PCDH15: variants seen among roughly 807,000 people sequenced by gnomAD.
The protein encoded by PCDH15 is protocadherin related 15.
A neutral mutation model predicts 178.5 loss-of-function variants in PCDH15; 129 were observed. The ratio of observed to expected loss-of-function variants is 0.72; its 90% confidence interval spans 0.63 to 0.84. PCDH15 has a LOEUF of 0.84. PCDH15 is among the 40% of genes least tolerant of loss of function. The pLI is 0.00. For missense variants in PCDH15, 2,230 were observed against 2,099.9 expected, an observed-to-expected ratio of 1.06 and a Z score of -1.21; for synonymous variants, 800 against 732.0, an observed-to-expected ratio of 1.09 and a Z score of -1.50.
chr10:54,198,495 CTTTTTTTTT>C (rs1186240206), intron 10 of PCDH15, among the ~76,000 whole-genome samples: 2 of 31,172 alleles, frequency 6.4e-5, no homozygotes, highest in Non-Finnish European at 8.8e-5. Context: ...TCTAATTATT[CTTTTTTTTT>C]TTTTTTTTTT....
At chr10:54,010,168 C>T (rs566147318) in intron 20 of PCDH15, among the ~76,000 whole-genome samples, 3 of 152,006 alleles carry the variant, frequency 2.0e-5, no homozygotes, top group Non-Finnish European at 4.4e-5. Flanking sequence ...GCAACCCTCC[C>T]TGTTTTTGCT....
At chr10:55,603,082 G>A (rs1436355487) in intron 2 of PCDH15, among the ~76,000 whole-genome samples, 8 of 152,096 alleles carry the variant, frequency 5.3e-5, no homozygotes, top group African/African-American at 1.2e-4. Context: ...CGAGAACTAC[G>A]TGAAGAATGC....
intron 2 of PCDH15, among the ~76,000 whole-genome samples, chr10:55,081,923 A>C (rs1464440221): frequency 6.6e-6 from 1 of 152,126 alleles, no homozygotes; most frequent in Non-Finnish European, 1.5e-5. Context: ...CAGACATATA[A>C]AGCAAAAATT....
chr10:54,767,318 A>G (rs894300526), intron 1 of PCDH15, among the ~76,000 whole-genome samples: 3 of 152,206 alleles, frequency 2.0e-5, no homozygotes, highest in African/African-American at 7.2e-5. Context: ...CCTATTAGTC[A>G]TCAAGAATGA....
At chr10:54,826,187 T>C (rs1953129622) in intron 3 of PCDH15, among the ~76,000 whole-genome samples, 1 of 151,984 alleles carries the variant, frequency 6.6e-6, no homozygotes, top group South Asian at 2.1e-4. Context: ...AGGAACTTGG[T>C]AAAAAGCCTA....
Position 54,998,228 on chromosome 10 carries a change from T to C in PCDH15, c.-79-100728A>G, listed in dbSNP as rs143490645. 1.1e-3 allele frequency among the ~76,000 whole-genome samples: 174 copies of C among 152,188 alleles called. 2 individuals carry two copies. The highest frequency in any genetic ancestry group is 3.9e-3 in the African/African-American group (164 of 41,560). Reference sequence around the variant, plus strand: ...GGTTACTTTTAAAAAATATATAGAATAAAACAGAAATTCCAAGTATGTCAT... The same window carrying C: ...GGTTACTTTTAAAAAATATATAGAACAAAACAGAAATTCCAAGTATGTCAT... On this transcript the variant is annotated intron_variant, in intron 2 of 5. Coordinates refer to the PCDH15 transcript ENST00000458638.
intron 9 of PCDH15, among the ~76,000 whole-genome samples, chr10:54,231,488 G>A (rs2134313821): frequency 6.6e-6 from 1 of 152,378 alleles, no homozygotes; most frequent in South Asian, 2.1e-4. Flanking sequence ...GAAGGGAAAT[G>A]TGAGGTGGGA....
At chr10:53,946,523 A>G (rs1056613861) in intron 23 of PCDH15, among the ~76,000 whole-genome samples, 2 of 152,140 alleles carry the variant, frequency 1.3e-5, no homozygotes, top group Non-Finnish European at 2.9e-5. Context: ...CCTTATCAAT[A>G]TGTGCTTAAG....
intron 2 of PCDH15, among the ~76,000 whole-genome samples, chr10:55,543,337 C>T (rs1400157563): frequency 6.7e-6 from 1 of 148,970 alleles, no homozygotes; most frequent in African/African-American, 2.5e-5. Flanking sequence ...CTTTTTCTAC[C>T]TTAGAATTTT....
chr10:54,290,224 G>C (rs924485184), intron 8 of PCDH15, among the ~76,000 whole-genome samples: 1 of 152,200 alleles, frequency 6.6e-6, no homozygotes, highest in African/African-American at 2.4e-5. Context: ...AGCCAGAACA[G>C]ATTGGGGGCC....
At chr10:54,116,931 C>A (rs910052935) in intron 15 of PCDH15, among the ~76,000 whole-genome samples, 1 of 152,014 alleles carries the variant, frequency 6.6e-6, no homozygotes, top group Non-Finnish European at 1.5e-5. Flanking sequence ...ATCTAGCATG[C>A]AAGTGAAAGA....
In PCDH15 at chr10:54,228,924, C is replaced by A. The variant is rs149865343; in HGVS notation, c.985+7899G>T. 1.8e-4 allele frequency among the ~76,000 whole-genome samples: 28 copies of A among 152,304 alleles called. No individual in the cohort carries two copies. In the East Asian group the frequency reaches 5.2e-3, roughly 28 times the overall value. The stretch of plus-strand genomic sequence containing the variant: ...GTCAAATAAAATTAAGCATCACAAG[C>A]AGCCTTCTCTCTTGTCTGTTTGCTT... On this transcript the variant is annotated intron_variant, in intron 9 of 37. Coordinates refer to ENST00000644397, the MANE Select transcript of PCDH15 (RefSeq NM_001384140.1).
At chr10:54,296,883 A>T (rs2059829851) in intron 8 of PCDH15, among the ~76,000 whole-genome samples, 1 of 152,154 alleles carries the variant, frequency 6.6e-6, no homozygotes, top group African/African-American at 2.4e-5. Flanking sequence ...ACATCTTTAT[A>T]GGGCATGGAT....
intron 14 of PCDH15, among the ~76,000 whole-genome samples, chr10:54,139,183 C>A (rs2043158048): frequency 6.6e-6 from 1 of 151,890 alleles, no homozygotes; most frequent in East Asian, 1.9e-4. Flanking sequence ...GGTTTGTGTA[C>A]CTTCTTTGAC....
intron 3 of PCDH15, among the ~76,000 whole-genome samples, chr10:54,409,480 A>T (rs1475964733): frequency 6.6e-6 from 1 of 152,112 alleles, no homozygotes; most frequent in African/African-American, 2.4e-5. Flanking sequence ...AAGATGAGGA[A>T]CTAGAAGATT....
At chr10:54,673,262 C>A (rs1055823745) in intron 1 of PCDH15, among the ~76,000 whole-genome samples, 1 of 151,876 alleles carries the variant, frequency 6.6e-6, no homozygotes, top group African/African-American at 2.4e-5. Context: ...TGTGATGTTC[C>A]CCTCTCTGTG....
At chr10:54,826,995 C>T (rs916679504) in intron 3 of PCDH15, among the ~76,000 whole-genome samples, 1 of 151,998 alleles carries the variant, frequency 6.6e-6, no homozygotes, top group African/African-American at 2.4e-5. Context: ...TTTGTTTTTC[C>T]TACCAAAAAC....
chr10:55,461,713 T>C (rs1462710736), intron 2 of PCDH15, among the ~76,000 whole-genome samples: 1 of 152,230 alleles, frequency 6.6e-6, no homozygotes, highest in African/African-American at 2.4e-5. Context: ...TGGGAGGTAA[T>C]GATAACCGAG....
chr10:54,681,328 A>T (rs1012837685), intron 1 of PCDH15, among the ~76,000 whole-genome samples: 1 of 152,194 alleles, frequency 6.6e-6, no homozygotes, highest in East Asian at 1.9e-4. Flanking sequence ...TAGACAAAAA[A>T]TTGCCAGTCA....
Sources: allele counts gnomAD v4.1 joint callset (sites outside exome capture counted in the v4.1 genomes callset), GRCh38; gene constraint gnomAD v4.1.1; transcripts MANE v1.5; gene names NCBI Gene and HGNC (gene_info 2026-07-23, HGNC 2026-07-21).